CSMD1: variants seen among roughly 807,000 people sequenced by gnomAD.
CSMD1 encodes CUB and sushi domain-containing protein 1.
CSMD1 carries 213 observed loss-of-function variants against 417.5 expected under a neutral mutation model. That is an observed-to-expected ratio of 0.51 (90% CI 0.46 to 0.57). The LOEUF (loss-of-function observed/expected upper bound fraction) is 0.57, where lower values mean the gene tolerates loss of function less well. Among genes scored for constraint, CSMD1 ranks in the 20% least tolerant of loss-of-function variants. The pLI is 0.00. For missense variants in CSMD1, 6,923 were observed against 4,529.7 expected (o/e 1.53, Z -15.17); for synonymous variants, 2,862 against 1,736.8 (o/e 1.65, Z -16.11).
At chr8:3,356,617 T>C (rs559679356) in intron 21 of CSMD1, among the ~76,000 whole-genome samples, 21 of 152,174 alleles carry the variant, frequency 1.4e-4, no homozygotes, top group South Asian at 1.2e-3. Context: ...AGAGGTTGCA[T>C]TGAGCCGAGA....
At chr8:4,985,614 A>G (rs1310102794) in intron 1 of CSMD1, among the ~76,000 whole-genome samples, 1 of 152,236 alleles carries the variant, frequency 6.6e-6, no homozygotes, top group East Asian at 1.9e-4. Flanking sequence ...TTCTACCCAG[A>G]TCACATTAAT....
In CSMD1 at chr8:4,350,274, C is replaced by T. The variant is rs191749277; in HGVS notation, c.415+69679G>A. On this transcript the variant is annotated intron_variant, in intron 3 of 69. Transcript: ENST00000635120. Reference sequence around the variant, plus strand: ...CAACTGGAAGCCTCACTCTAGGGGACGCCAACTGCAGGTGACTGTGCTGTC... The same window carrying T: ...CAACTGGAAGCCTCACTCTAGGGGATGCCAACTGCAGGTGACTGTGCTGTC... Among the ~76,000 whole-genome samples, 597 of 152,270 alleles carry T rather than the reference C, an allele frequency of 3.9e-3. 3 individuals are homozygous for T. The highest frequency in any genetic ancestry group is 0.012 in the African/African-American group (505 of 41,544).
At chr8:3,392,936 T>C (rs1022087528) in intron 17 of CSMD1, among the ~76,000 whole-genome samples, 20 of 152,026 alleles carry the variant, frequency 1.3e-4, no homozygotes, top group African/African-American at 4.8e-4. Flanking sequence ...AACCCTTAGG[T>C]GCAGGGCTGG....
At chr8:3,976,914 G>A (rs948778900) in intron 5 of CSMD1, among the ~76,000 whole-genome samples, 4 of 152,116 alleles carry the variant, frequency 2.6e-5, no homozygotes, top group Admixed American at 2.6e-4. Flanking sequence ...TGACTTGTTA[G>A]CCATTTACAT....
intron 3 of CSMD1, among the ~76,000 whole-genome samples, chr8:4,382,534 A>G (rs76394681): frequency 0.084 from 12,725 of 152,280 alleles, 699 homozygotes; most frequent in South Asian, 0.19. Flanking sequence ...TATTGCAAAA[A>G]GGATTATAAA....
At chr8:4,270,814 G>A (rs1295598208) in intron 3 of CSMD1, among the ~76,000 whole-genome samples, 3 of 152,052 alleles carry the variant, frequency 2.0e-5, no homozygotes, top group African/African-American at 4.8e-5. Flanking sequence ...AAAGTTCCCT[G>A]CCGCCCACCA....
At position 3,029,377 on chromosome 8, in the gene CSMD1, G is replaced by A. The variant is rs775088879; in HGVS notation, c.7797C>T (p.Leu2599=). Residue 2599 remains leucine, a synonymous_variant, in exon 51 of 70, where the codon CTC becomes CTT. Coordinates refer to ENST00000635120, the MANE Select transcript of CSMD1 (RefSeq NM_033225.6). ...SPGYYLEGWR[L]LRCQANGTWN... is the part of the protein sequence containing the mutation. ...ACGTCCCATTGGCCTGGCACCGCAG[G>A]AGCCTCCAGCCTTCTAAGTAGTAAC... The A allele has an allele frequency of 6.2e-7, 1 of 1,611,168 alleles. No homozygotes were observed. The highest frequency in any genetic ancestry group is 1.7e-5 in the Admixed American group (1 of 59,578).
At position 3,424,946 on chromosome 8, in the gene CSMD1, G is replaced by A. The variant is rs1026444796; in HGVS notation, c.1562-15341C>T. ...GGCTCCTGGGCTCAAGTGATCTTTC[G>A]ACCTCAGCCCCTGGAGTGGCTGGGA... On this transcript the variant is annotated intron_variant, in intron 12 of 69. Coordinates refer to ENST00000635120, the MANE Select transcript of CSMD1 (RefSeq NM_033225.6). Among the ~76,000 whole-genome samples, 6 of 152,152 alleles carry A rather than the reference G, an allele frequency of 3.9e-5. No individual in the cohort carries two copies. The East Asian group carries it at 5.8e-4, about 15-fold the overall frequency.
chr8:4,520,017 G>C lies in CSMD1; in HGVS notation c.303-99952C>G, dbSNP rs554845814. Among the ~76,000 whole-genome samples, 101 of 151,420 alleles carry C rather than the reference G, an allele frequency of 6.7e-4. 1 individual carries two copies. Among genetic ancestry groups the C allele is most frequent in the African/African-American group, 2.3e-3 (94 of 41,312 alleles). On this transcript the variant is annotated intron_variant, in intron 2 of 69. Coordinates refer to ENST00000635120, the MANE Select transcript of CSMD1 (RefSeq NM_033225.6). Reference sequence around the variant, plus strand: ...CAGAGAAATTATGAAGGGATATTTAGAAATAAATTAGAATAAATTCTATGC... The same window carrying C: ...CAGAGAAATTATGAAGGGATATTTACAAATAAATTAGAATAAATTCTATGC...
At chr8:3,927,422 T>G (rs929488740) in intron 5 of CSMD1, among the ~76,000 whole-genome samples, 4 of 152,062 alleles carry the variant, frequency 2.6e-5, no homozygotes, top group Middle Eastern at 3.4e-3. Flanking sequence ...GTCCCAACAC[T>G]TTGTGGTGCC....
intron 5 of CSMD1, among the ~76,000 whole-genome samples, chr8:3,859,670 G>A (rs925105595): frequency 1.2e-4 from 18 of 152,074 alleles, no homozygotes; most frequent in Admixed American, 3.9e-4. Flanking sequence ...AACCATATGG[G>A]CAATTAATCA....
At chr8:3,171,308 G>A (rs1264428032) in intron 37 of CSMD1, among the ~76,000 whole-genome samples, 1 of 152,126 alleles carries the variant, frequency 6.6e-6, no homozygotes, top group Non-Finnish European at 1.5e-5. Flanking sequence ...AGACAACCTG[G>A]TGACAGAAAG....
chr8:3,740,962 C>G (rs1232766561), intron 6 of CSMD1, among the ~76,000 whole-genome samples: 5 of 151,832 alleles, frequency 3.3e-5, no homozygotes, highest in Non-Finnish European at 7.4e-5. Context: ...ACACCTGTAA[C>G]CCCAGCACTT....
At position 3,895,790 on chromosome 8, in the gene CSMD1, T is replaced by C. The variant is rs138714724; in HGVS notation, c.818+102113A>G. On this transcript the variant is annotated intron_variant, in intron 5 of 69. Transcript: ENST00000635120. ...GAAATATTTCCTACGGTCATAACTC[T>C]TCACACTCCAGTTGTACCTGCAGTG... Among the ~76,000 whole-genome samples, 147 of 152,338 alleles carry C rather than the reference T, an allele frequency of 9.6e-4. 1 individual carries two copies. The highest frequency in any genetic ancestry group is 3.1e-3 in the African/African-American group (127 of 41,584).
chr8:3,774,472 C>G (rs1332597636), intron 5 of CSMD1, among the ~76,000 whole-genome samples: 1 of 152,122 alleles, frequency 6.6e-6, no homozygotes, highest in Non-Finnish European at 1.5e-5. Context: ...TTGCCTGGCT[C>G]ATAGGACAGA....
intron 1 of CSMD1, among the ~76,000 whole-genome samples, chr8:4,850,851 G>C (rs1260693382): frequency 6.6e-6 from 1 of 151,984 alleles, no homozygotes; most frequent in South Asian, 2.1e-4. Context: ...ATTCAATAAA[G>C]TATGTTTAGT....
At position 4,976,384 on chromosome 8, in the gene CSMD1, A is replaced by G. The variant is rs560393718; in HGVS notation, c.85+17948T>C. 2.0e-5 allele frequency among the ~76,000 whole-genome samples: 3 copies of G among 152,320 alleles called. No individual in the cohort carries two copies. The East Asian group carries it at 5.8e-4, about 29-fold the overall frequency. ...TAATTATCTTATCTATTTACATACT[A>G]CATTAAATTAATGAAGGCATTTTAA... On this transcript the variant is annotated intron_variant, in intron 1 of 69. Coordinates refer to ENST00000635120, the MANE Select transcript of CSMD1 (RefSeq NM_033225.6).
At position 4,860,626 on chromosome 8, in the gene CSMD1, A is replaced by G. The variant is rs527360606; in HGVS notation, c.85+133706T>C. Among the ~76,000 whole-genome samples, 6 of 152,224 alleles carry G rather than the reference A, an allele frequency of 3.9e-5. 1 individual carries two copies. In the South Asian group the frequency reaches 1.2e-3, roughly 32 times the overall value. Reference sequence around the variant, plus strand: ...CTTTATAAATTACCCAGTCTCTGACATATTTCTTTATGGCAATGCTAATAC... The same window carrying G: ...CTTTATAAATTACCCAGTCTCTGACGTATTTCTTTATGGCAATGCTAATAC... On this transcript the variant is annotated intron_variant, in intron 1 of 69. Coordinates refer to ENST00000635120, the MANE Select transcript of CSMD1 (RefSeq NM_033225.6).
chr8:3,279,480 C>T (rs1802567495), intron 26 of CSMD1, among the ~76,000 whole-genome samples: 1 of 152,166 alleles, frequency 6.6e-6, no homozygotes, highest in South Asian at 2.1e-4. Context: ...TGCCAAGGTC[C>T]TTTACAGAAC....
Sources: gnomAD v4.1 joint callset for allele counts (sites outside exome capture counted in the v4.1 genomes callset) on GRCh38, gnomAD v4.1.1 for gene constraint, MANE v1.5 for transcripts, NCBI Gene and HGNC (gene_info 2026-07-23, HGNC 2026-07-21) for gene names.